Variants in ATG10 observed in about 807,000 individuals in gnomAD.
ATG10 encodes the protein ubiquitin-like-conjugating enzyme ATG10.
In ATG10, 30 loss-of-function variants were observed where a neutral mutation model predicts 32.1. The ratio of observed to expected loss-of-function variants is 0.94; its 90% CI spans 0.70 to 1.27. The LOEUF is 1.27. Among genes scored for constraint, ATG10 ranks in the 50% most tolerant of loss-of-function variants. ATG10 has a pLI of 0.00. For synonymous variants in ATG10, 87 were observed against 91.5 expected, an observed-to-expected ratio of 0.95 and a Z score of 0.28; for missense variants, 233 against 262.3, an observed-to-expected ratio of 0.89 and a Z score of 0.77.
intron 3 of ATG10, among the ~76,000 whole-genome samples, chr5:82,067,504 C>G (rs1276567844): frequency 6.6e-6 from 1 of 152,076 alleles, no homozygotes; most frequent in African/African-American, 2.4e-5. Context: ...TGCTATAAAG[C>G]CAGGAGTCTT....
At chr5:82,243,982 G>A (rs1012721479) in intron 5 of ATG10, among the ~76,000 whole-genome samples, 1 of 152,134 alleles carries the variant, frequency 6.6e-6, no homozygotes, top group Non-Finnish European at 1.5e-5. Context: ...GATACCTAAA[G>A]AGGATCAACA....
intron 3 of ATG10, among the ~76,000 whole-genome samples, chr5:82,087,252 A>G (rs557357474): frequency 6.6e-6 from 1 of 152,304 alleles, no homozygotes; most frequent in South Asian, 2.1e-4. Context: ...TTTGTAATAG[A>G]ATTGAAACTA....
Position 82,043,727 on chromosome 5 carries a change from C to T in ATG10, c.109-14768C>T, listed in dbSNP as rs530399609. Among the ~76,000 whole-genome samples the T allele has an allele frequency of 3.1e-4, 47 of 152,274 alleles. 1 individual carries two copies. In the South Asian group the frequency reaches 6.4e-3, roughly 21 times the overall value. On this transcript the variant is annotated intron_variant, in intron 2 of 7. Coordinates refer to ENST00000282185, the MANE Select transcript of ATG10 (RefSeq NM_031482.5). ...GATACCCTAAATAATCTCTAGGGCA[C>T]GGGCAAAATGCTGCCAGTCTCTTTG...
intron 5 of ATG10, among the ~76,000 whole-genome samples, chr5:82,204,521 C>A (rs561816226): frequency 4.3e-4 from 65 of 152,140 alleles, no homozygotes; most frequent in Non-Finnish European, 2.2e-4. Context: ...AATGAGAAAA[C>A]AAATTTTTAA....
At chr5:81,983,278 C>T (rs1174035759) in intron 1 of ATG10, among the ~76,000 whole-genome samples, 4 of 132,574 alleles carry the variant, frequency 3.0e-5, no homozygotes, top group Admixed American at 7.5e-5. Flanking sequence ...GCTGGCTGGG[C>T]GGGGGGCTGA....
chr5:81,994,173 A>G (rs1445376805), intron 2 of ATG10, among the ~76,000 whole-genome samples: 4 of 152,108 alleles, frequency 2.6e-5, no homozygotes, highest in African/African-American at 7.2e-5. Context: ...CCCATTTTCT[A>G]TATGATTTTT....
At chr5:82,084,718 T>C (rs1419361472) in intron 3 of ATG10, among the ~76,000 whole-genome samples, 2 of 152,218 alleles carry the variant, frequency 1.3e-5, no homozygotes, top group Admixed American at 1.3e-4. Context: ...CAGAATTTCA[T>C]ATCCAGCCAA....
At chr5:82,061,744 GTATA>G (rs977650408) in intron 3 of ATG10, among the ~76,000 whole-genome samples, 11 of 137,200 alleles carry the variant, frequency 8.0e-5, no homozygotes, top group Admixed American at 2.3e-4. Flanking sequence ...GGGTGTATGT[GTATA>G]TATGTGTATA....
chr5:82,191,260 C>T (rs1256191874), intron 5 of ATG10, among the ~76,000 whole-genome samples: 1 of 152,198 alleles, frequency 6.6e-6, no homozygotes, highest in Non-Finnish European at 1.5e-5. Flanking sequence ...ACATTTTAGA[C>T]ACTGGAGTAG....
intron 1 of ATG10, among the ~76,000 whole-genome samples, chr5:81,986,047 A>G (rs1761259857): frequency 6.6e-6 from 1 of 151,298 alleles, no homozygotes; most frequent in Admixed American, 6.6e-5. Context: ...TACAGGCGTG[A>G]GCCACCGCGC....
At chr5:82,131,132 C>T (rs565831933) in intron 3 of ATG10, among the ~76,000 whole-genome samples, 17 of 152,168 alleles carry the variant, frequency 1.1e-4, no homozygotes, top group African/African-American at 3.4e-4. Flanking sequence ...GCCTGGGTCA[C>T]GGGATCCATA....
At chr5:82,148,911 C>T (rs1175253442) in intron 3 of ATG10, among the ~76,000 whole-genome samples, 1 of 152,062 alleles carries the variant, frequency 6.6e-6, no homozygotes, top group African/African-American at 2.4e-5. Flanking sequence ...CTCCTCTTTT[C>T]CACCTATCTC....
chr5:82,160,808 G>C (rs1173763990), intron 3 of ATG10, among the ~76,000 whole-genome samples: 3 of 152,098 alleles, frequency 2.0e-5, no homozygotes. Flanking sequence ...CCTCTTTGGT[G>C]ATATTTTGCA....
At chr5:82,232,665 C>T (rs1434020857) in intron 5 of ATG10, among the ~76,000 whole-genome samples, 1 of 152,160 alleles carries the variant, frequency 6.6e-6, no homozygotes, top group Non-Finnish European at 1.5e-5. Flanking sequence ...TAATCAAGCC[C>T]CTTCTTTCTT....
intron 5 of ATG10, among the ~76,000 whole-genome samples, chr5:82,189,473 G>A (rs1272932393): frequency 1.3e-5 from 2 of 152,178 alleles, no homozygotes; most frequent in Non-Finnish European, 2.9e-5. Flanking sequence ...GGGGAGGGGT[G>A]ATGCTCAGTT....
chr5:82,141,468 C>G (rs957396587), intron 3 of ATG10, among the ~76,000 whole-genome samples: 6 of 151,818 alleles, frequency 4.0e-5, no homozygotes, highest in Non-Finnish European at 7.4e-5. Flanking sequence ...TCCTGCCTAC[C>G]ACCCTCTTTT....
chr5:82,040,573 T>C (rs1763054987), intron 2 of ATG10, among the ~76,000 whole-genome samples: 1 of 152,094 alleles, frequency 6.6e-6, no homozygotes, highest in African/African-American at 2.4e-5. Flanking sequence ...AAACTTATTT[T>C]AAAAAAATAG....
chr5:82,184,159 T>C (rs893761935), intron 5 of ATG10, among the ~76,000 whole-genome samples: 8 of 152,194 alleles, frequency 5.3e-5, no homozygotes, highest in Admixed American at 5.2e-4. Context: ...TGACTTTGTA[T>C]GCCACCACTT....
chr5:82,150,028 A>G (rs575266221), intron 3 of ATG10, among the ~76,000 whole-genome samples: 17 of 91,072 alleles, frequency 1.9e-4, no homozygotes, highest in Non-Finnish European at 3.3e-4. Context: ...AGTTAAATTC[A>G]TGTATAGAGG....
Sources: allele counts gnomAD v4.1 joint callset (sites outside exome capture counted in the v4.1 genomes callset), GRCh38; gene constraint gnomAD v4.1.1; transcripts MANE v1.5; gene names NCBI Gene and HGNC (gene_info 2026-07-23, HGNC 2026-07-21).